The following LRRTM4 variants were observed in gnomAD, a reference collection of about 807,000 sequenced individuals.
LRRTM4 encodes the protein leucine rich repeat transmembrane neuronal 4.
LRRTM4 carries 25 observed loss-of-function variants against 47.6 expected under a neutral mutation model. The observed-to-expected ratio is 0.53, with a 90% CI of 0.38 to 0.73. The LOEUF is 0.73. Among genes scored for constraint, LRRTM4 ranks in the 30% least tolerant of loss-of-function variants. The pLI, the probability that LRRTM4 is intolerant of heterozygous loss-of-function variation, is 0.00. For synonymous variants in LRRTM4, 311 were observed against 269.5 expected (o/e 1.15, Z -1.51); for missense variants, 638 against 713.4 (o/e 0.89, Z 1.20).
intron 3 of LRRTM4, among the ~76,000 whole-genome samples, chr2:77,492,549 G>A (rs1430891214): frequency 6.6e-6 from 1 of 152,088 alleles, no homozygotes; most frequent in Admixed American, 6.6e-5. Flanking sequence ...GTGAGCCACT[G>A]CACCTAGCTT....
intron 3 of LRRTM4, among the ~76,000 whole-genome samples, chr2:77,479,471 A>C (rs372349791): frequency 9.9e-5 from 15 of 152,242 alleles, no homozygotes; most frequent in African/African-American, 3.6e-4. Flanking sequence ...GCAAGTCGTC[A>C]GGGTTTACCG....
intron 3 of LRRTM4, among the ~76,000 whole-genome samples, chr2:77,327,765 T>C (rs974436072): frequency 2.6e-5 from 4 of 151,678 alleles, no homozygotes; most frequent in Admixed American, 2.6e-4. Context: ...TTGAAACCAA[T>C]ACAATAGCTG....
intron 3 of LRRTM4, among the ~76,000 whole-genome samples, chr2:76,893,116 C>A (rs1673307335): frequency 6.7e-6 from 1 of 149,848 alleles, no homozygotes; most frequent in African/African-American, 2.4e-5. Flanking sequence ...AATTTGAATT[C>A]ATAAATCAAC....
chr2:76,888,663 A>G (rs1374193331), intron 3 of LRRTM4, among the ~76,000 whole-genome samples: 1 of 151,748 alleles, frequency 6.6e-6, no homozygotes, highest in Non-Finnish European at 1.5e-5. Context: ...TTAATTATTC[A>G]TTAGTTTTTT....
intron 3 of LRRTM4, among the ~76,000 whole-genome samples, chr2:76,953,457 T>C (rs933327899): frequency 6.6e-6 from 1 of 151,844 alleles, no homozygotes. Context: ...CTGCTCACAA[T>C]TGGTAGGAAA....
At chr2:77,446,596 A>T (rs1297226368) in intron 3 of LRRTM4, among the ~76,000 whole-genome samples, 1 of 151,988 alleles carries the variant, frequency 6.6e-6, no homozygotes, top group African/African-American at 2.4e-5. Context: ...TCCAACATAA[A>T]CTCATACCTT....
chr2:76,770,865 C>A (rs1673670253), intron 3 of LRRTM4, among the ~76,000 whole-genome samples: 1 of 152,136 alleles, frequency 6.6e-6, no homozygotes, highest in Non-Finnish European at 1.5e-5. Flanking sequence ...TTTTCTAGGT[C>A]AACTAAGTAC....
In LRRTM4 at chr2:77,294,408, A is replaced by G. The variant is rs1676913042; in HGVS notation, c.1551+223910T>C. Among the ~76,000 whole-genome samples the G allele has an allele frequency of 2.0e-5, 3 of 152,150 alleles. No individual in the cohort carries two copies. The South Asian group carries it at 6.2e-4, about 31-fold the overall frequency. On this transcript the variant is annotated intron_variant, in intron 3 of 3. Transcript: ENST00000409884. ...ATTTAGATATAGTAAGAATGCATGCATTTGGCAGAATGTATTCATATAGGT... is the reference window on the plus strand; with the variant it reads ...ATTTAGATATAGTAAGAATGCATGCGTTTGGCAGAATGTATTCATATAGGT...
rs142949176 is a variant in LRRTM4 at position 77,411,406 on chromosome 2, T to C, written c.1551+106912A>G. Among the ~76,000 whole-genome samples the C allele has an allele frequency of 3.6e-3, 542 of 151,038 alleles. 7 individuals carry two copies. Among genetic ancestry groups the C allele is most frequent in the African/African-American group, 0.013 (526 of 40,906 alleles). On this transcript the variant is annotated intron_variant, in intron 3 of 3. Transcript: ENST00000409884. ...TCTTTCTCTCTTTCTTTCTTCTTTA[T>C]TTCTCTCTTTCTTGTTTCTCTCTCT...
intron 3 of LRRTM4, among the ~76,000 whole-genome samples, chr2:76,952,855 A>G (rs1041522978): frequency 2.0e-5 from 3 of 151,980 alleles, no homozygotes; most frequent in Admixed American, 1.3e-4. Flanking sequence ...ACACAGTCAT[A>G]AAAAGAATGA....
At chr2:76,961,248 G>A (rs1011532451) in intron 3 of LRRTM4, among the ~76,000 whole-genome samples, 1 of 151,110 alleles carries the variant, frequency 6.6e-6, no homozygotes, top group Admixed American at 6.6e-5. Flanking sequence ...GGAAATCTTC[G>A]GGCAGTGAGA....
chr2:76,972,944 A>G (rs1027876248), intron 3 of LRRTM4, among the ~76,000 whole-genome samples: 12 of 152,018 alleles, frequency 7.9e-5, no homozygotes, highest in African/African-American at 2.9e-4. Flanking sequence ...CTTTTCCTGC[A>G]TTTCCTTTAA....
At chr2:76,942,509 C>G (rs1457628576) in intron 3 of LRRTM4, among the ~76,000 whole-genome samples, 2 of 96,776 alleles carry the variant, frequency 2.1e-5, no homozygotes, top group African/African-American at 3.8e-5. Context: ...TTTTTTTTTG[C>G]GATAAAAACA....
chr2:76,948,052 A>G (rs1279888507), intron 3 of LRRTM4, among the ~76,000 whole-genome samples: 1 of 151,810 alleles, frequency 6.6e-6, no homozygotes, highest in Non-Finnish European at 1.5e-5. Context: ...TTGTAACAGG[A>G]TGGAGAAGAA....
intron 3 of LRRTM4, among the ~76,000 whole-genome samples, chr2:76,873,663 T>C (rs1672701979): frequency 6.6e-6 from 1 of 151,408 alleles, no homozygotes; most frequent in South Asian, 2.1e-4. Flanking sequence ...ATGATAGCTT[T>C]GTGACCCTGA....
At chr2:77,487,113 A>T (rs1343576013) in intron 3 of LRRTM4, among the ~76,000 whole-genome samples, 1 of 152,312 alleles carries the variant, frequency 6.6e-6, no homozygotes, top group Middle Eastern at 3.4e-3. Flanking sequence ...GGCTGCAGTG[A>T]GAGAGGCGCA....
intron 3 of LRRTM4, among the ~76,000 whole-genome samples, chr2:77,057,825 G>T (rs1210621063): frequency 2.0e-5 from 3 of 152,152 alleles, no homozygotes; most frequent in South Asian, 2.1e-4. Flanking sequence ...GGATAGATAT[G>T]AAGTGGGGAG....
At chr2:77,061,050 A>T (rs1291545633) in intron 3 of LRRTM4, among the ~76,000 whole-genome samples, 1 of 152,078 alleles carries the variant, frequency 6.6e-6, no homozygotes, top group East Asian at 1.9e-4. Flanking sequence ...TATCAATTCC[A>T]GTCCTAGTTT....
intron 3 of LRRTM4, among the ~76,000 whole-genome samples, chr2:77,452,062 C>T (rs1351149707): frequency 2.6e-5 from 4 of 151,774 alleles, no homozygotes; most frequent in South Asian, 4.2e-4. Context: ...GTAGCTTCTC[C>T]TTATAGACCA....
Sources: gnomAD v4.1 joint callset for allele counts (sites outside exome capture counted in the v4.1 genomes callset) on GRCh38, gnomAD v4.1.1 for gene constraint, MANE v1.5 for transcripts, NCBI Gene and HGNC (gene_info 2026-07-23, HGNC 2026-07-21) for gene names.